PDE7B: variants seen among roughly 807,000 people sequenced by gnomAD.
PDE7B encodes phosphodiesterase 7B, also known as 3',5'-cyclic-AMP phosphodiesterase 7B.
PDE7B carries 29 observed loss-of-function variants against 56.2 expected under a neutral mutation model. That is an observed-to-expected ratio of 0.52 (90% CI 0.38 to 0.70). The LOEUF (loss-of-function observed/expected upper bound fraction) is 0.70. Ranked by LOEUF, PDE7B falls within the 30% of genes least tolerant of loss-of-function variation. The pLI is 0.00. For synonymous variants in PDE7B, 197 were observed against 196.9 expected (o/e 1.00, Z 0.00); for missense variants, 490 against 565.0 (o/e 0.87, Z 1.35).
intron 2 of PDE7B, among the ~76,000 whole-genome samples, chr6:136,081,063 A>G (rs1489495224): frequency 6.6e-6 from 1 of 152,222 alleles, no homozygotes; most frequent in African/African-American, 2.4e-5. Flanking sequence ...GCATAGTGGC[A>G]AGAAATAAGG....
intron 2 of PDE7B, among the ~76,000 whole-genome samples, chr6:136,069,432 T>A (rs1357672349): frequency 6.6e-6 from 1 of 152,190 alleles, no homozygotes; most frequent in Non-Finnish European, 1.5e-5. Context: ...GCATCCTCCA[T>A]CAACAAGTCC....
intron 1 of PDE7B, among the ~76,000 whole-genome samples, chr6:135,875,425 T>C (rs1775474026): frequency 6.6e-6 from 1 of 152,094 alleles, no homozygotes; most frequent in Non-Finnish European, 1.5e-5. Context: ...TATAAATAAA[T>C]TTATGTGTAT....
At chr6:136,093,665 A>AG (rs1243790498) in intron 2 of PDE7B, among the ~76,000 whole-genome samples, 1 of 152,138 alleles carries the variant, frequency 6.6e-6, no homozygotes, top group Non-Finnish European at 1.5e-5. Context: ...TACACCACTG[A>AG]GTGAGAAAGC....
At chr6:135,875,571 T>C (rs1775476809) in intron 1 of PDE7B, among the ~76,000 whole-genome samples, 1 of 152,216 alleles carries the variant, frequency 6.6e-6, no homozygotes, top group Non-Finnish European at 1.5e-5. Context: ...TGAACTATTA[T>C]CTTTTTAAAT....
intron 2 of PDE7B, among the ~76,000 whole-genome samples, chr6:135,989,318 A>G (rs1415534297): frequency 6.6e-6 from 1 of 152,180 alleles, no homozygotes; most frequent in African/African-American, 2.4e-5. Flanking sequence ...CTCAATAAAA[A>G]TGTACGTTAT....
intron 2 of PDE7B, chr6:136,049,367 G>A (rs1013339485): frequency 2.6e-5 from 4 of 152,258 alleles, no homozygotes; most frequent in African/African-American, 9.7e-5. Context: ...CTCCCAAAGT[G>A]CTGGGATTAC....
intron 3 of PDE7B, among the ~76,000 whole-genome samples, chr6:136,109,863 A>C (rs954447268): frequency 6.6e-6 from 1 of 152,178 alleles, no homozygotes; most frequent in African/African-American, 2.4e-5. Flanking sequence ...CAAGGTTTTC[A>C]GTGTTTGGTT....
At chr6:136,076,332 G>A (rs890654088) in intron 2 of PDE7B, among the ~76,000 whole-genome samples, 3 of 152,152 alleles carry the variant, frequency 2.0e-5, no homozygotes, top group African/African-American at 4.8e-5. Flanking sequence ...AATTAGCCAA[G>A]CATCATGGCA....
At chr6:135,983,959 A>G (rs1256735100) in intron 2 of PDE7B, among the ~76,000 whole-genome samples, 3 of 152,220 alleles carry the variant, frequency 2.0e-5, no homozygotes, top group African/African-American at 7.2e-5. Flanking sequence ...ATCATTAGTA[A>G]CCTCTTACAA....
intron 1 of PDE7B, among the ~76,000 whole-genome samples, chr6:135,897,475 T>C (rs191264279): frequency 3.3e-5 from 5 of 152,250 alleles, no homozygotes; most frequent in Admixed American, 2.6e-4. Flanking sequence ...AAGACACCCA[T>C]GAAGGTGAAC....
At chr6:136,153,591 C>A (rs955233239) in intron 6 of PDE7B, among the ~76,000 whole-genome samples, 9 of 152,138 alleles carry the variant, frequency 5.9e-5, no homozygotes, top group African/African-American at 2.2e-4. Context: ...CCCTAAGAGG[C>A]CCGGATTTGC....
chr6:135,932,417 C>T (rs1021862367), intron 1 of PDE7B, among the ~76,000 whole-genome samples: 2 of 151,936 alleles, frequency 1.3e-5, no homozygotes, highest in Admixed American at 1.3e-4. Context: ...TCATACACCC[C>T]ATAGATGTAT....
intron 2 of PDE7B, among the ~76,000 whole-genome samples, chr6:136,007,692 G>A (rs1219382086): frequency 6.6e-6 from 1 of 151,590 alleles, no homozygotes; most frequent in Non-Finnish European, 1.5e-5. Context: ...TCCTGGTTCA[G>A]TCTTGGGAGG....
intron 1 of PDE7B, among the ~76,000 whole-genome samples, chr6:135,919,352 G>A (rs766590928): frequency 2.6e-5 from 4 of 152,170 alleles, no homozygotes; most frequent in African/African-American, 9.7e-5. Flanking sequence ...TGTTACCAAC[G>A]TGACTCTGTG....
intron 12 of PDE7B, among the ~76,000 whole-genome samples, chr6:136,189,023 C>T (rs1435561989): frequency 6.6e-6 from 1 of 152,142 alleles, no homozygotes; most frequent in Non-Finnish European, 1.5e-5. Context: ...CTCTAGCCCC[C>T]AAGACAACAA....
rs542782448 is a variant in PDE7B at position 136,188,745 on chromosome 6, A to G, written c.1126+1629A>G. On this transcript the variant is annotated intron_variant, in intron 12 of 12. Coordinates refer to ENST00000308191, the MANE Select transcript of PDE7B (RefSeq NM_018945.4). The stretch of plus-strand genomic sequence containing the variant: ...ATATGTCCTGATTTTCAGCTCAGGA[A>G]AATGTGGTTACCATAGATACCTCTT... 3.9e-5 allele frequency among the ~76,000 whole-genome samples: 6 copies of G among 152,298 alleles called. No homozygotes were observed. In the South Asian group the frequency reaches 1.2e-3, roughly 32 times the overall value.
intron 1 of PDE7B, among the ~76,000 whole-genome samples, chr6:135,898,361 ACTTTTT>A (rs1775938990): frequency 6.6e-6 from 1 of 152,136 alleles, no homozygotes; most frequent in Non-Finnish European, 1.5e-5. Flanking sequence ...AAAAACACAA[ACTTTTT>A]CTTTATTTTT....
At chr6:136,019,340 A>G (rs1340437084) in intron 2 of PDE7B, among the ~76,000 whole-genome samples, 2 of 152,188 alleles carry the variant, frequency 1.3e-5, no homozygotes, top group African/African-American at 2.4e-5. Context: ...CTTTATAAGT[A>G]ATGAAAATAA....
At chr6:135,934,185 A>G (rs758314189) in intron 1 of PDE7B, among the ~76,000 whole-genome samples, 3 of 152,170 alleles carry the variant, frequency 2.0e-5, no homozygotes, top group Non-Finnish European at 2.9e-5. Context: ...AATGAAAACT[A>G]CAAACCATGA....
Sources: allele counts gnomAD v4.1 joint callset (sites outside exome capture counted in the v4.1 genomes callset), GRCh38; gene constraint gnomAD v4.1.1; transcripts MANE v1.5; gene names NCBI Gene and HGNC (gene_info 2026-07-23, HGNC 2026-07-21).